Variants in HELZ observed in about 807,000 individuals in gnomAD.
HELZ encodes helicase with zinc finger.
HELZ carries 23 observed loss-of-function variants against 218.2 expected under a neutral mutation model. The observed-to-expected ratio is 0.11, with a 90% CI of 0.08 to 0.15. HELZ has a LOEUF of 0.15. Among genes scored for constraint, HELZ ranks in the 10% least tolerant of loss-of-function variants. The pLI is 1.00. For synonymous variants in HELZ, 814 were observed against 829.4 expected, an observed-to-expected ratio of 0.98 and a Z score of 0.32; for missense variants, 1,813 against 2,353.7, an observed-to-expected ratio of 0.77 and a Z score of 4.75.
intron 32 of HELZ, among the ~76,000 whole-genome samples, chr17:67,079,578 AT>A (rs2036124306): frequency 6.6e-6 from 1 of 152,186 alleles, no homozygotes. Flanking sequence ...TTTCACAGCT[AT>A]TTCCTCAGGA....
chr17:67,090,195 TA>T (rs1209253957), intron 31 of HELZ, among the ~76,000 whole-genome samples: 3 of 152,192 alleles, frequency 2.0e-5, no homozygotes, highest in African/African-American at 7.2e-5. Context: ...TTTAGATTGT[TA>T]GAATGGTGTA....
intron 1 of HELZ, 200 bp from the exon 2 acceptor site, chr17:67,244,039 T>G: frequency 1.1e-6 from 1 of 945,190 alleles, no homozygotes; most frequent in African/African-American, 1.8e-5. Context: ...AAGAATAGAT[T>G]ATACAATGCT....
At chr17:67,093,876 T>G (rs1362532843) in intron 31 of HELZ, among the ~76,000 whole-genome samples, 1 of 152,214 alleles carries the variant, frequency 6.6e-6, no homozygotes, top group Non-Finnish European at 1.5e-5. Context: ...ATTTTAGCCT[T>G]ATAAAACTCA....
In HELZ at chr17:67,203,468, T is replaced by C. The variant is rs1431274366; in HGVS notation, c.248-25A>G. 3 of 1,611,810 alleles carry C rather than the reference T, an allele frequency of 1.9e-6. No homozygotes were observed. In the East Asian group the frequency reaches 6.7e-5, roughly 36 times the overall value. ...ACTGCCATGAAAGAACAGCCATCAT[T>C]AACCATATGACATTTAATGCACATT... On this transcript the variant is annotated intron_variant, in intron 5 of 32. Transcript: ENST00000358691.
At chr17:67,204,099 T>C (rs1166495829) in intron 5 of HELZ, among the ~76,000 whole-genome samples, 1 of 152,254 alleles carries the variant, frequency 6.6e-6, no homozygotes, top group Non-Finnish European at 1.5e-5. Flanking sequence ...ATCTATATCC[T>C]CTGCATTGCT....
rs191150068 is a variant in HELZ at position 67,139,563 on chromosome 17, T to C, written c.2770-1449A>G. Among the ~76,000 whole-genome samples, 29 of 152,122 alleles carry C rather than the reference T, an allele frequency of 1.9e-4. No homozygotes were observed. The East Asian group carries it at 5.0e-3, about 26-fold the overall frequency. ...ATGATATGAGTCATTCTGGGAAACC[T>C]CTCTCCCAGAAAAACATCTTCTAAG... On this transcript the variant is annotated intron_variant, in intron 21 of 32. Coordinates refer to ENST00000358691, the MANE Select transcript of HELZ (RefSeq NM_014877.4).
At chr17:67,080,971 T>C (rs1355213408) in intron 32 of HELZ, among the ~76,000 whole-genome samples, 1 of 152,250 alleles carries the variant, frequency 6.6e-6, no homozygotes, top group Non-Finnish European at 1.5e-5. Flanking sequence ...GTTGCTCAGC[T>C]AGTGACTACA....
chr17:67,105,968 A>G (rs2037086990), intron 31 of HELZ, among the ~76,000 whole-genome samples: 1 of 152,262 alleles, frequency 6.6e-6, no homozygotes, highest in East Asian at 1.9e-4. Context: ...TAGCATCTAT[A>G]GCAGGCAACT....
rs184047047 is a variant in HELZ, at chr17:67,083,553, A to C, written c.5494+3276T>G. On this transcript the variant is annotated intron_variant, in intron 32 of 32. Transcript: ENST00000358691. ...TGAGGCAGGATAATTGCTTGATCCC[A>C]GGAGGCGGAGGCTGCAGTGAGCCAA... 2.0e-5 allele frequency among the ~76,000 whole-genome samples: 3 copies of C among 152,274 alleles called. No individual in the cohort carries two copies. The East Asian group carries it at 5.8e-4, about 29-fold the overall frequency.
At chr17:67,222,914 C>T (rs1598451826) in intron 3 of HELZ, among the ~76,000 whole-genome samples, 1 of 151,996 alleles carries the variant, frequency 6.6e-6, no homozygotes, top group East Asian at 1.9e-4. Flanking sequence ...TGTATGTGAT[C>T]CTGCTACCTG....
At chr17:67,199,448 G>A (rs1389318238) in intron 7 of HELZ, among the ~76,000 whole-genome samples, 1 of 152,198 alleles carries the variant, frequency 6.6e-6, no homozygotes, top group East Asian at 1.9e-4. Context: ...CCCGACCTCA[G>A]GTGATCTGCC....
intron 20 of HELZ, among the ~76,000 whole-genome samples, chr17:67,147,393 C>A (rs999140216): frequency 6.6e-6 from 1 of 152,152 alleles, no homozygotes. Context: ...GTATGTCAGG[C>A]CTCAAGAAAC....
At chr17:67,083,455 C>A (rs1177654640) in intron 32 of HELZ, among the ~76,000 whole-genome samples, 1 of 152,066 alleles carries the variant, frequency 6.6e-6, no homozygotes, top group African/African-American at 2.4e-5. Flanking sequence ...GCCTGGCCAA[C>A]ATGGTGAAAC....
chr17:67,086,787 C>T (rs761627698), intron 32 of HELZ, 42 bp downstream of exon 32: 3 of 1,600,348 alleles, frequency 1.9e-6, no homozygotes, highest in East Asian at 2.2e-5. Context: ...TATCCGGGAG[C>T]TGAGGAGTAC....
intron 31 of HELZ, among the ~76,000 whole-genome samples, chr17:67,097,012 T>C (rs920413702): frequency 1.1e-4 from 16 of 152,210 alleles, no homozygotes; most frequent in African/African-American, 3.9e-4. Context: ...GTGAGAGGCA[T>C]GCAACTTGTC....
chr17:67,165,407 CCT>C (rs1306735840), intron 15 of HELZ, among the ~76,000 whole-genome samples: 4 of 152,136 alleles, frequency 2.6e-5, no homozygotes, highest in South Asian at 2.1e-4. Context: ...TCACTCTTCC[CCT>C]GTCGGCCAGC....
rs2038636147 is a variant in HELZ at position 67,150,140 on chromosome 17, T to C, written c.2357-155A>G. 4 of 472,512 alleles carry C rather than the reference T, an allele frequency of 8.5e-6. No homozygotes were observed. The South Asian group carries it at 1.1e-4, about 13-fold the overall frequency. The allele number at this position is 472,512 out of a possible 1,614,324, so 29.3% of individuals were successfully genotyped here. A position where few individuals can be genotyped will look rare whatever the true frequency, so the allele number is the denominator to read the frequency against. On this transcript the variant is annotated intron_variant, in intron 18 of 32. Transcript: ENST00000358691. ...TTATTTATTTTCTTTCTTTTTTTTT[T>C]TTTTTTTTTTTTTGAGACAGGGTGT...
chr17:67,101,488 G>A (rs903167526), intron 31 of HELZ, among the ~76,000 whole-genome samples: 5 of 152,004 alleles, frequency 3.3e-5, no homozygotes, highest in African/African-American at 4.8e-5. Flanking sequence ...ACTTATAGAT[G>A]AAGAAAAACA....
intron 27 of HELZ, 44 bp downstream of exon 27, chr17:67,120,361 C>T (rs746549627): frequency 4.0e-6 from 6 of 1,489,116 alleles, no homozygotes; most frequent in Non-Finnish European, 5.6e-6. Flanking sequence ...AAAACTTTAC[C>T]TGTCATCAGT....
Sources: allele counts gnomAD v4.1 joint callset (sites outside exome capture counted in the v4.1 genomes callset), GRCh38; gene constraint gnomAD v4.1.1; transcripts MANE v1.5; gene names NCBI Gene and HGNC (gene_info 2026-07-23, HGNC 2026-07-21).